The following IMMP2L variants were observed in gnomAD, a reference collection of about 807,000 sequenced individuals.
The protein encoded by IMMP2L is inner mitochondrial membrane peptidase subunit 2.
A neutral mutation model predicts 19.3 loss-of-function variants in IMMP2L; 18 were observed. That is an observed-to-expected ratio of 0.93 (90% CI 0.64 to 1.38). IMMP2L has a LOEUF of 1.38. IMMP2L is among the 40% of genes most tolerant of loss of function. The probability of loss-of-function intolerance (pLI) is 0.00; values close to 1 mark genes in which losing one functional copy is unlikely to be tolerated. For missense variants in IMMP2L, 233 were observed against 218.2 expected (o/e 1.07, Z -0.43); for synonymous variants, 76 against 73.0 (o/e 1.04, Z -0.21).
intron 3 of IMMP2L, among the ~76,000 whole-genome samples, chr7:111,042,472 A>G (rs1258594018): frequency 6.6e-6 from 1 of 152,018 alleles, no homozygotes; most frequent in Non-Finnish European, 1.5e-5. Flanking sequence ...TGAGCCACCA[A>G]TCCCAGCTAC....
intron 5 of IMMP2L, among the ~76,000 whole-genome samples, chr7:110,742,707 C>T (rs558142461): frequency 7.1e-4 from 105 of 148,820 alleles, no homozygotes; most frequent in Non-Finnish European, 1.3e-3. Context: ...GCAGAGGTTG[C>T]AGTGCGCCAG....
At chr7:111,042,544 G>C (rs902963565) in intron 3 of IMMP2L, among the ~76,000 whole-genome samples, 1 of 152,168 alleles carries the variant, frequency 6.6e-6, no homozygotes, top group Non-Finnish European at 1.5e-5. Context: ...GAGGCACTTG[G>C]ATAAACAACA....
chr7:110,806,026 A>G (rs1293219612), intron 5 of IMMP2L, among the ~76,000 whole-genome samples: 3 of 151,996 alleles, frequency 2.0e-5, no homozygotes, highest in Admixed American at 6.6e-5. Flanking sequence ...CAATAAATCA[A>G]TAAGTGGACC....
intron 2 of IMMP2L, chr7:111,492,473 A>T (rs921986275): frequency 6.5e-6 from 5 of 765,844 alleles, no homozygotes; most frequent in Non-Finnish European, 7.9e-6. Flanking sequence ...ACTTCTAGTC[A>T]TTTGTCAAAG....
chr7:110,778,587 A>T (rs1243413709), intron 5 of IMMP2L, among the ~76,000 whole-genome samples: 2 of 152,026 alleles, frequency 1.3e-5, no homozygotes, highest in Non-Finnish European at 2.9e-5. Flanking sequence ...TATTTCAGAA[A>T]GCTCTAGGAC....
At chr7:110,958,667 C>A (rs953963480) in intron 4 of IMMP2L, among the ~76,000 whole-genome samples, 1 of 151,956 alleles carries the variant, frequency 6.6e-6, no homozygotes, top group South Asian at 2.1e-4. Flanking sequence ...TCTATCTAGC[C>A]ACAGCTGACA....
intron 3 of IMMP2L, among the ~76,000 whole-genome samples, chr7:111,152,679 T>C (rs1317133378): frequency 1.3e-5 from 2 of 152,154 alleles, no homozygotes; most frequent in Non-Finnish European, 2.9e-5. Flanking sequence ...GTATCTACTC[T>C]ATCCCCAACT....
chr7:111,330,825 A>C (rs970426129), intron 3 of IMMP2L, among the ~76,000 whole-genome samples: 5 of 151,976 alleles, frequency 3.3e-5, no homozygotes, highest in African/African-American at 1.2e-4. Flanking sequence ...ATATGAAAAA[A>C]TGTTCAACAT....
Position 111,123,303 on chromosome 7 carries a change from G to C in IMMP2L, c.240-159738C>G, listed in dbSNP as rs1180688756. 2 of 1,613,812 alleles carry C rather than the reference G, an allele frequency of 1.2e-6. No individual in the cohort carries two copies. The highest frequency in any genetic ancestry group is 1.3e-5 in the African/African-American group (1 of 75,018). The stretch of plus-strand genomic sequence containing the variant: ...TTCATCTCAATTCAAATAGATTGCA[G>C]ATGATCAACAGTAAGTGGTTTGATG... On this transcript the variant is annotated intron_variant, in intron 3 of 5. Coordinates refer to ENST00000405709, the MANE Select transcript of IMMP2L (RefSeq NM_032549.4). The surrounding 1 kb of genome is among the most constrained non-coding windows in gnomAD (Gnocchi z 6.4).
intron 1 of IMMP2L, among the ~76,000 whole-genome samples, chr7:111,525,788 C>T (rs1846782652): frequency 1.3e-5 from 2 of 152,046 alleles, no homozygotes; most frequent in Admixed American, 6.6e-5. Flanking sequence ...AATTCCATTC[C>T]TCAAACTTTT....
At position 111,141,803 on chromosome 7, in the gene IMMP2L, T is replaced by G. The variant is rs568374812; in HGVS notation, c.240-178238A>C. On this transcript the variant is annotated intron_variant, in intron 3 of 5. Coordinates refer to ENST00000405709, the MANE Select transcript of IMMP2L (RefSeq NM_032549.4). ...CTGGTCTCAAAATGCTGGGCTAAAG[T>G]GATCCTCCTGCCTCAGGCTCCCAAA... Among the ~76,000 whole-genome samples the G allele has an allele frequency of 1.2e-4, 19 of 152,246 alleles. No individual in the cohort carries two copies. The East Asian group carries it at 3.5e-3, about 28-fold the overall frequency.
chr7:111,494,350 A>G (rs1255538742), intron 2 of IMMP2L, among the ~76,000 whole-genome samples: 1 of 152,172 alleles, frequency 6.6e-6, no homozygotes, highest in East Asian at 1.9e-4. Context: ...CTCTGGACTG[A>G]GTAAGAAAGA....
chr7:110,858,471 T>A (rs1453969492), intron 5 of IMMP2L, among the ~76,000 whole-genome samples: 1 of 152,096 alleles, frequency 6.6e-6, no homozygotes, highest in Non-Finnish European at 1.5e-5. Flanking sequence ...GTTTGAAATC[T>A]ACAGTTTACT....
intron 5 of IMMP2L, among the ~76,000 whole-genome samples, chr7:110,844,582 G>C (rs960055625): frequency 6.6e-6 from 1 of 151,696 alleles, no homozygotes; most frequent in African/African-American, 2.4e-5. Flanking sequence ...TAATCAATAG[G>C]GGAGCTTTCA....
chr7:110,950,262 A>C (rs1051872089), intron 4 of IMMP2L, among the ~76,000 whole-genome samples: 1 of 152,076 alleles, frequency 6.6e-6, no homozygotes, highest in African/African-American at 2.4e-5. Context: ...CTCAAAGATC[A>C]ATTGACTGTA....
At chr7:111,265,459 A>C (rs1419697148) in intron 3 of IMMP2L, among the ~76,000 whole-genome samples, 1 of 152,138 alleles carries the variant, frequency 6.6e-6, no homozygotes, top group Non-Finnish European at 1.5e-5. Flanking sequence ...GAGCTGTACT[A>C]ATGAAAATAT....
At chr7:111,086,169 G>A (rs1381819405) in intron 3 of IMMP2L, among the ~76,000 whole-genome samples, 3 of 151,394 alleles carry the variant, frequency 2.0e-5, no homozygotes, top group Admixed American at 2.0e-4. Context: ...GCTCATGTCT[G>A]TAATCCCAGC....
chr7:110,806,745 TA>T (rs1801664258), intron 5 of IMMP2L, among the ~76,000 whole-genome samples: 2 of 152,176 alleles, frequency 1.3e-5, no homozygotes, highest in Admixed American at 1.3e-4. Flanking sequence ...TGATCCAATT[TA>T]AATGCTTTCT....
intron 3 of IMMP2L, among the ~76,000 whole-genome samples, chr7:111,346,549 C>T (rs530354807): frequency 2.6e-5 from 4 of 152,152 alleles, no homozygotes; most frequent in East Asian, 1.9e-4. Flanking sequence ...CACTTACAGG[C>T]CCACTGAGTT....
Sources: gnomAD v4.1 joint callset for allele counts (sites outside exome capture counted in the v4.1 genomes callset) on GRCh38, gnomAD v4.1.1 for gene constraint, Gnocchi (gnomAD v3.1) non-coding constraint, MANE v1.5 for transcripts, NCBI Gene and HGNC (gene_info 2026-07-23, HGNC 2026-07-21) for gene names.